Variants in TBC1D14 observed in about 807,000 individuals in gnomAD.
The protein encoded by TBC1D14 is TBC1 domain family member 14.
A neutral mutation model predicts 79.0 loss-of-function variants in TBC1D14; 26 were observed. The observed-to-expected ratio is 0.33, with a 90% CI of 0.24 to 0.46. The LOEUF (loss-of-function observed/expected upper bound fraction) is 0.46. Ranked by LOEUF, TBC1D14 falls within the 20% of genes least tolerant of loss-of-function variation. TBC1D14 has a pLI of 1.00. For missense variants in TBC1D14, 769 were observed against 887.6 expected (o/e 0.87, Z 1.70); for synonymous variants, 394 against 349.9 (o/e 1.13, Z -1.40).
chr4:6,973,627 C>T (rs1030560294), intron 3 of TBC1D14, among the ~76,000 whole-genome samples: 1 of 151,982 alleles, frequency 6.6e-6, no homozygotes, highest in African/African-American at 2.4e-5. Context: ...TGAAGTACCA[C>T]TGGATTGGTA....
chr4:7,022,702 G>C (rs1045954900), intron 12 of TBC1D14, among the ~76,000 whole-genome samples: 8 of 152,088 alleles, frequency 5.3e-5, no homozygotes, highest in African/African-American at 1.9e-4. Flanking sequence ...GCAGAGCAGG[G>C]GGCATCGTGG....
intron 3 of TBC1D14, among the ~76,000 whole-genome samples, chr4:6,970,503 A>G (rs1279528211): frequency 6.6e-6 from 1 of 152,270 alleles, no homozygotes; most frequent in African/African-American, 2.4e-5. Flanking sequence ...AAATGGAACA[A>G]CGGAACACAG....
chr4:6,975,775 A>G (rs1294478096), intron 3 of TBC1D14, among the ~76,000 whole-genome samples: 1 of 152,186 alleles, frequency 6.6e-6, no homozygotes, highest in East Asian at 1.9e-4. Context: ...GGAAAGAGTG[A>G]AGGAATTTTA....
chr4:7,001,120 A>C (rs201873737), intron 6 of TBC1D14, 25 bp from the exon 7 acceptor site: 626 of 1,606,030 alleles, frequency 3.9e-4, no homozygotes, highest in Non-Finnish European at 4.9e-4. Context: ...AACAAACTCA[A>C]ACTCCTGCTT....
chr4:6,914,815 G>A (rs1471629571), intron 1 of TBC1D14, among the ~76,000 whole-genome samples: 2 of 152,200 alleles, frequency 1.3e-5, no homozygotes, highest in African/African-American at 4.8e-5. Context: ...TGAGGCAGGC[G>A]ATCACTTGAG....
intron 12 of TBC1D14, among the ~76,000 whole-genome samples, chr4:7,021,463 G>T (rs1721828488): frequency 6.6e-6 from 1 of 152,026 alleles, no homozygotes; most frequent in African/African-American, 2.4e-5. Context: ...CCGGTGTGGT[G>T]GTGTGTGCCT....
At chr4:6,990,118 C>T (rs2109136188) in intron 3 of TBC1D14, among the ~76,000 whole-genome samples, 1 of 152,332 alleles carries the variant, frequency 6.6e-6, no homozygotes, top group African/African-American at 2.4e-5. Context: ...ACCAATCAAA[C>T]TGATCTGCTG....
rs184114050 is a variant in TBC1D14, at chr4:6,943,456, G to A, written c.722+19345G>A. ...TGGAGGATGAAGTCCAGACCAGTTG[G>A]TGTGGCCTACGGGGCGTGCAGGATC... On this transcript the variant is annotated intron_variant, in intron 2 of 13. Coordinates refer to ENST00000409757, the MANE Select transcript of TBC1D14 (RefSeq NM_020773.3). Among the ~76,000 whole-genome samples, 396 of 152,302 alleles carry A rather than the reference G, an allele frequency of 2.6e-3. 1 individual carries two copies. Among genetic ancestry groups the A allele is most frequent in the African/African-American group, 9.0e-3 (372 of 41,558 alleles).
intron 2 of TBC1D14, among the ~76,000 whole-genome samples, chr4:6,962,829 C>A (rs528758210): frequency 6.6e-6 from 1 of 152,210 alleles, no homozygotes; most frequent in East Asian, 1.9e-4. Context: ...GTTGCACTCC[C>A]GTTACCTGAC....
At position 7,031,129 on chromosome 4, in the gene TBC1D14, AGCCCTGTG is replaced by A. The variant is rs1481662508; in HGVS notation, c.*740_*747del. ...CGAGAGGAGGAGCTATTTGCGAGGA[AGCCCTGTG>A]GCAATAGAGATAGGCTTAAAAGCGG... On this transcript the variant is annotated 3_prime_UTR_variant, in exon 14 of 14. Transcript: ENST00000409757. The A allele has an allele frequency of 6.6e-6, 1 of 152,378 alleles. No homozygotes were observed. The highest frequency in any genetic ancestry group is 1.5e-5 in the Non-Finnish European group (1 of 68,136). The allele number at this position is 152,378 out of a possible 1,614,324, so 9.4% of individuals were successfully genotyped here.
intron 2 of TBC1D14, among the ~76,000 whole-genome samples, chr4:6,953,493 A>T (rs1430162512): frequency 1.4e-5 from 2 of 143,742 alleles, no homozygotes; most frequent in East Asian, 2.1e-4. Flanking sequence ...TAGCCGGGCG[A>T]GGTGGCGGGC....
At chr4:6,963,085 T>C (rs2109036537) in intron 2 of TBC1D14, among the ~76,000 whole-genome samples, 1 of 152,372 alleles carries the variant, frequency 6.6e-6, no homozygotes, top group Admixed American at 6.5e-5. Context: ...GGGAATGCCC[T>C]GTGCCCTGGA....
At chr4:6,991,162 C>G (rs2109140681) in intron 3 of TBC1D14, among the ~76,000 whole-genome samples, 1 of 152,318 alleles carries the variant, frequency 6.6e-6, no homozygotes, top group South Asian at 2.1e-4. Context: ...TTATTTTAAT[C>G]ATGCCTTGGT....
At chr4:7,001,071 C>T (rs1023007822) in intron 6 of TBC1D14, 74 bp from the exon 7 acceptor site, 30 of 1,289,884 alleles carry the variant, frequency 2.3e-5, no homozygotes, top group African/African-American at 7.3e-5. Flanking sequence ...CTTGGTGGTT[C>T]GGGGCTAGGC....
At chr4:7,014,628 C>A in intron 12 of TBC1D14, 71 bp downstream of exon 12, 1 of 1,075,820 alleles carries the variant, frequency 9.3e-7, no homozygotes, top group Non-Finnish European at 1.4e-6. Flanking sequence ...CTCTTCTCTG[C>A]CAACTTCTTC....
intron 3 of TBC1D14, among the ~76,000 whole-genome samples, chr4:6,980,528 G>C (rs1308112407): frequency 1.3e-5 from 2 of 152,142 alleles, no homozygotes; most frequent in African/African-American, 4.8e-5. Flanking sequence ...TAATAAGTGT[G>C]AGAACAGATA....
intron 2 of TBC1D14, among the ~76,000 whole-genome samples, chr4:6,937,435 A>C (rs11724542): frequency 2.0e-5 from 3 of 152,088 alleles, no homozygotes; most frequent in Non-Finnish European, 4.4e-5. Context: ...TCATTTCCTA[A>C]TACTGTCAAC....
chr4:6,957,061 C>T (rs1465968014), intron 2 of TBC1D14, among the ~76,000 whole-genome samples: 3 of 152,210 alleles, frequency 2.0e-5, no homozygotes, highest in Admixed American at 2.0e-4. Context: ...GTGCTGGGAG[C>T]CACATCGCTT....
chr4:6,980,607 A>G (rs1717278384), intron 3 of TBC1D14, among the ~76,000 whole-genome samples: 1 of 152,218 alleles, frequency 6.6e-6, no homozygotes, highest in African/African-American at 2.4e-5. Context: ...AAAATTGATT[A>G]AACTCTAGCA....
Sources: allele counts gnomAD v4.1 joint callset (sites outside exome capture counted in the v4.1 genomes callset), GRCh38; gene constraint gnomAD v4.1.1; transcripts MANE v1.5; gene names NCBI Gene and HGNC (gene_info 2026-07-23, HGNC 2026-07-21).